The following TMED7 variants were observed in gnomAD, a reference collection of about 807,000 sequenced individuals.
TMED7 encodes transmembrane p24 trafficking protein 7.
Under a neutral mutation model 23.4 loss-of-function variants are expected in TMED7, and 8 were observed. That is an observed-to-expected ratio of 0.34 (90% CI 0.20 to 0.62). The LOEUF (loss-of-function observed/expected upper bound fraction) is 0.62, where lower values mean the gene tolerates loss of function less well. Among genes scored for constraint, TMED7 ranks in the 20% least tolerant of loss-of-function variants. The pLI is 0.77. For synonymous variants in TMED7, 121 were observed against 108.5 expected, an observed-to-expected ratio of 1.12 and a Z score of -0.72; for missense variants, 232 against 279.1, an observed-to-expected ratio of 0.83 and a Z score of 1.20.
In TMED7 at chr5:115,616,222, C is replaced by G. The variant is rs750995690; in HGVS notation, c.662G>C (p.Arg221Pro). 1 of 1,614,050 alleles carries G rather than the reference C, an allele frequency of 6.2e-7. No homozygotes were observed. The highest frequency in any genetic ancestry group is 8.5e-7 in the Non-Finnish European group (1 of 1,179,932). ...CTCAAAACGTAGTTATGATCCAACA[C>G]GAGTTGTGGTGGTTCTTTTATCTGA... Reference protein sequence around the residue: ...FFSDKRTTTTRVGS With the variant: ...FFSDKRTTTTPVGS The change falls in exon 3 of 3, where the codon CGT (arginine) becomes CCT (proline). Residue 221 changes from arginine to proline, a missense_variant. Transcript: ENST00000456936.
chr5:115,622,416 C>G (rs1001304207), intron 1 of TMED7, among the ~76,000 whole-genome samples: 2 of 152,206 alleles, frequency 1.3e-5, no homozygotes, highest in African/African-American at 2.4e-5. Flanking sequence ...ACAATCCAGA[C>G]AGGACTATTG....
intron 1 of TMED7, among the ~76,000 whole-genome samples, chr5:115,622,940 C>T (rs1390731343): frequency 6.6e-6 from 1 of 152,082 alleles, no homozygotes; most frequent in African/African-American, 2.4e-5. Context: ...ATCAAAATGA[C>T]AGTGTTTGCA....
chr5:115,620,791 T>C (rs1288507367), intron 1 of TMED7, 111 bp from the exon 2 acceptor site: 2 of 1,234,134 alleles, frequency 1.6e-6, no homozygotes, highest in East Asian at 3.1e-5. Flanking sequence ...GGACTTTTAC[T>C]ATCTTTTTAA....
In TMED7 at chr5:115,615,622, G is replaced by T. The variant is rs1045040820; in HGVS notation, c.*587C>A. 1 of 153,148 alleles carries T rather than the reference G, an allele frequency of 6.5e-6. No individual in the cohort carries two copies. The highest frequency in any genetic ancestry group is 2.4e-5 in the African/African-American group (1 of 41,408). 9.5% of individuals were successfully genotyped at this position (153,148 alleles called of 1,614,324 possible). ...CCTTTATGAAAAAATAGCATAGCTG[G>T]TTTAAATTATAAACCCCAAAAACAA... On this transcript the variant is annotated 3_prime_UTR_variant, in exon 3 of 3. Coordinates refer to ENST00000456936, the MANE Select transcript of TMED7 (RefSeq NM_181836.6).
Position 115,620,486 on chromosome 5 carries a change from T to C in TMED7, c.387A>G (p.Gly129=). Residue 129 remains glycine (G), a synonymous_variant, in exon 2 of 3, where the codon GGA becomes GGG. Transcript: ENST00000456936. ...HKTVYFDFQV[G]EDPPLFPSEN... The stretch of plus-strand genomic sequence containing the variant: ...CACTAGGAAACAAAGGTGGGTCTTC[T>C]CCAACTTGAAAATCAAAATATACAG... 1 of 1,594,556 alleles carries C rather than the reference T, an allele frequency of 6.3e-7. No individual in the cohort carries two copies. The highest frequency in any genetic ancestry group is 2.3e-5 in the East Asian group (1 of 44,058).
intron 1 of TMED7, among the ~76,000 whole-genome samples, chr5:115,621,994 T>A (rs1005853180): frequency 6.6e-6 from 1 of 152,198 alleles, no homozygotes; most frequent in African/African-American, 2.4e-5. Flanking sequence ...TATGCACTTA[T>A]GAAACTGTAA....
Position 115,614,583 on chromosome 5 carries a change from C to G in TMED7, c.*1626G>C, listed in dbSNP as rs2112561169. The G allele has an allele frequency of 6.6e-6, 1 of 152,384 alleles. No individual in the cohort carries two copies. The highest frequency in any genetic ancestry group is 2.4e-5 in the African/African-American group (1 of 41,540). 9.4% of individuals were successfully genotyped at this position (152,384 alleles called of 1,614,324 possible). On this transcript the variant is annotated 3_prime_UTR_variant, in exon 3 of 3. Transcript: ENST00000456936. ...TCTGCAAAATCTTAAACTTCTTAAT[C>G]CATTGATAAATATTAAGGAGTAGCT...
intron 1 of TMED7, among the ~76,000 whole-genome samples, chr5:115,622,580 C>G (rs980840347): frequency 6.6e-6 from 1 of 152,162 alleles, no homozygotes; most frequent in African/African-American, 2.4e-5. Flanking sequence ...AACAGCATAC[C>G]TGGTCTCTAA....
chr5:115,615,825 C>G lies in TMED7; in HGVS notation c.*384G>C. 1 of 204,550 alleles carries G rather than the reference C, an allele frequency of 4.9e-6. No individual in the cohort carries two copies. Among genetic ancestry groups the G allele is most frequent in the South Asian group, 8.9e-5 (1 of 11,174 alleles). The allele number at this position is 204,550 out of a possible 1,614,324, so 12.7% of individuals were successfully genotyped here. ...TTAACAATTAAAAGGCAATTTTCTTCCTCCCTAACACATGTAGACATTAAA... is the reference window on the plus strand; with the variant it reads ...TTAACAATTAAAAGGCAATTTTCTTGCTCCCTAACACATGTAGACATTAAA... On this transcript the variant is annotated 3_prime_UTR_variant, in exon 3 of 3. Coordinates refer to ENST00000456936, the MANE Select transcript of TMED7 (RefSeq NM_181836.6).
chr5:115,619,831 A>C (rs1165693459), intron 2 of TMED7, among the ~76,000 whole-genome samples: 1 of 152,130 alleles, frequency 6.6e-6, no homozygotes, highest in East Asian at 1.9e-4. Flanking sequence ...CTCATCACCT[A>C]AGCAATAGTT....
intron 1 of TMED7, among the ~76,000 whole-genome samples, chr5:115,621,169 T>C (rs909983637): frequency 1.3e-5 from 2 of 152,178 alleles, no homozygotes; most frequent in Non-Finnish European, 2.9e-5. Context: ...ACACACACAG[T>C]GAAGTAACAA....
At chr5:115,625,482 G>A (rs1757168687) in intron 1 of TMED7, 119 bp downstream of exon 1, 1 of 1,226,968 alleles carries the variant, frequency 8.2e-7, no homozygotes. Context: ...CTACCTAGAA[G>A]CGATTTTTGA....
rs557664760 is a variant in TMED7, at chr5:115,615,345, T to A, written c.*864A>T. The A allele has an allele frequency of 6.5e-6, 1 of 152,694 alleles. No individual in the cohort carries two copies. Among genetic ancestry groups the A allele is most frequent in the African/African-American group, 2.4e-5 (1 of 41,574 alleles). 9.5% of individuals were successfully genotyped at this position (152,694 alleles called of 1,614,324 possible). On this transcript the variant is annotated 3_prime_UTR_variant, in exon 3 of 3. Transcript: ENST00000456936. ...TTAAGCTGGGAATGACTCACAGACA[T>A]TAAAGTCATATAAGGGCAAGAGCTA...
intron 1 of TMED7, among the ~76,000 whole-genome samples, chr5:115,622,289 C>T (rs905811887): frequency 9.2e-5 from 14 of 152,128 alleles, no homozygotes; most frequent in Non-Finnish European, 2.1e-4. Flanking sequence ...TAAACCTGTC[C>T]AATCACCTAC....
At position 115,615,826 on chromosome 5, in the gene TMED7, C is replaced by T; in HGVS notation, c.*383G>A. ...TAACAATTAAAAGGCAATTTTCTTC[C>T]TCCCTAACACATGTAGACATTAAAT... On this transcript the variant is annotated 3_prime_UTR_variant, in exon 3 of 3. Coordinates refer to ENST00000456936, the MANE Select transcript of TMED7 (RefSeq NM_181836.6). 3 of 205,956 alleles carry T rather than the reference C, an allele frequency of 1.5e-5. No individual in the cohort carries two copies. The highest frequency in any genetic ancestry group is 8.8e-5 in the South Asian group (1 of 11,330). 12.8% of individuals were successfully genotyped at this position (205,956 alleles called of 1,614,324 possible). A position where few individuals can be genotyped will look rare whatever the true frequency, so the allele number is the denominator to read the frequency against.
At chr5:115,618,208 T>G (rs1358666458) in intron 2 of TMED7, among the ~76,000 whole-genome samples, 1 of 152,202 alleles carries the variant, frequency 6.6e-6, no homozygotes, top group African/African-American at 2.4e-5. Context: ...TGGCTAATCT[T>G]GCTTCATCTA....
intron 2 of TMED7, chr5:115,619,224 T>C (rs1445800461): frequency 6.6e-6 from 1 of 152,120 alleles, no homozygotes; most frequent in Non-Finnish European, 1.5e-5. Context: ...GAAATATCAT[T>C]TTACAAAGCA....
intron 2 of TMED7, among the ~76,000 whole-genome samples, chr5:115,619,567 AT>A (rs1249921021): frequency 6.6e-5 from 10 of 152,034 alleles, no homozygotes; most frequent in African/African-American, 2.4e-4. Flanking sequence ...ATTTTTTCTG[AT>A]TTTGGAATGT....
chr5:115,618,610 C>T (rs925723281), intron 2 of TMED7, among the ~76,000 whole-genome samples: 37 of 152,066 alleles, frequency 2.4e-4, no homozygotes, highest in African/African-American at 8.9e-4. Flanking sequence ...TGTAAACTGG[C>T]ATTTGGAGCT....
Sources: gnomAD v4.1 joint callset for allele counts (sites outside exome capture counted in the v4.1 genomes callset) on GRCh38, gnomAD v4.1.1 for gene constraint, MANE v1.5 for transcripts, NCBI Gene and HGNC (gene_info 2026-07-23, HGNC 2026-07-21) for gene names.